The following PPARGC1A variants were observed in gnomAD, a reference collection of about 807,000 sequenced individuals.
PPARGC1A encodes the protein peroxisome proliferator-activated receptor gamma coactivator 1-alpha.
Under a neutral mutation model 88.7 loss-of-function variants are expected in PPARGC1A, and 25 were observed. The observed-to-expected ratio is 0.28, with a 90% CI of 0.21 to 0.39. PPARGC1A has a LOEUF of 0.39. Among genes scored for constraint, PPARGC1A ranks in the 10% least tolerant of loss-of-function variants. The pLI is 1.00. For synonymous variants in PPARGC1A, 363 were observed against 355.6 expected, an observed-to-expected ratio of 1.02 and a Z score of -0.24; for missense variants, 880 against 968.7, an observed-to-expected ratio of 0.91 and a Z score of 1.22.
upstream of PPARGC1A, among the ~76,000 whole-genome samples, chr4:23,906,834 A>G (rs959017057): frequency 6.6e-6 from 1 of 151,988 alleles, no homozygotes; most frequent in African/African-American, 2.4e-5. Context: ...CTCAAAACTC[A>G]CTGTGGTGCC....
At chr4:24,468,475 A>G in the PPARGC1A span, among the ~76,000 whole-genome samples, 2 of 152,172 alleles carry the variant, frequency 1.3e-5, no homozygotes, top group African/African-American at 2.4e-5. Flanking sequence ...CACATTGGCA[A>G]GTGGGTGCAA....
intron 2 of PPARGC1A, among the ~76,000 whole-genome samples, chr4:23,840,231 G>A (rs1400389192): frequency 3.3e-5 from 5 of 151,874 alleles, no homozygotes; most frequent in South Asian, 2.1e-4. Context: ...GAGGGAGAGC[G>A]GATAGTGCAC....
the PPARGC1A span, among the ~76,000 whole-genome samples, chr4:23,910,172 TATA>T: frequency 8.4e-6 from 1 of 118,818 alleles, no homozygotes; most frequent in Non-Finnish European, 1.7e-5. Flanking sequence ...ATATATAATA[TATA>T]ATAAATATAT....
chr4:23,813,204 C>T, intron 8 of PPARGC1A, 79 bp from the exon 9 acceptor site: 1 of 1,177,780 alleles, frequency 8.5e-7, no homozygotes, highest in South Asian at 1.2e-5. Context: ...GGAGCATCCT[C>T]TGGGACACTG....
At chr4:24,348,212 G>C in the PPARGC1A span, among the ~76,000 whole-genome samples, 18 of 152,300 alleles carry the variant, frequency 1.2e-4, no homozygotes, top group East Asian at 3.5e-3. Flanking sequence ...AGGTTACCTG[G>C]TGCTTCTGTC....
the PPARGC1A span, among the ~76,000 whole-genome samples, chr4:24,040,233 T>C: frequency 5.7e-4 from 87 of 152,330 alleles, no homozygotes; most frequent in African/African-American, 1.7e-3. Flanking sequence ...TCCAGCCACA[T>C]ACACACATCT....
chr4:23,953,717 G>A, the PPARGC1A span, among the ~76,000 whole-genome samples: 31 of 152,114 alleles, frequency 2.0e-4, no homozygotes, highest in African/African-American at 7.5e-4. Context: ...CCCACTGACA[G>A]AATACTTGGG....
At chr4:24,104,589 T>C in the PPARGC1A span, among the ~76,000 whole-genome samples, 1 of 152,170 alleles carries the variant, frequency 6.6e-6, no homozygotes. Context: ...TCCAGAGGAC[T>C]GTGGGCAACA....
intron 2 of PPARGC1A, among the ~76,000 whole-genome samples, chr4:23,846,282 G>T (rs1294788133): frequency 6.6e-6 from 1 of 152,184 alleles, no homozygotes; most frequent in East Asian, 1.9e-4. Flanking sequence ...TCTTCCAACA[G>T]TATGATGTTG....
chr4:24,266,889 C>T, the PPARGC1A span, among the ~76,000 whole-genome samples: 8 of 152,290 alleles, frequency 5.3e-5, no homozygotes, highest in Non-Finnish European at 1.5e-5. Flanking sequence ...CAATTGAATA[C>T]TATGCCACTA....
chr4:23,819,180 G>A (rs1722533792), intron 7 of PPARGC1A, among the ~76,000 whole-genome samples: 1 of 152,026 alleles, frequency 6.6e-6, no homozygotes, highest in Admixed American at 6.6e-5. Flanking sequence ...ATATTCAGTA[G>A]ATAAAAGCTG....
intron 1 of PPARGC1A, 87 bp downstream of exon 1, chr4:23,889,817 G>T: frequency 1.3e-6 from 2 of 1,516,098 alleles, no homozygotes; most frequent in Non-Finnish European, 1.8e-6. Context: ...TCCTCTCTTT[G>T]CCCAAGCCCA....
the PPARGC1A span, chr4:24,091,588 C>T: frequency 1.0e-6 from 1 of 985,354 alleles, no homozygotes; most frequent in Non-Finnish European, 1.2e-6. Context: ...TACTCTCTCT[C>T]CTTGCAAGCT....
At chr4:24,151,057 A>G in the PPARGC1A span, among the ~76,000 whole-genome samples, 2 of 152,342 alleles carry the variant, frequency 1.3e-5, no homozygotes, top group African/African-American at 4.8e-5. Flanking sequence ...TTCTGCTATA[A>G]TCCCACCTGT....
At chr4:24,453,985 T>C in the PPARGC1A span, among the ~76,000 whole-genome samples, 4 of 152,064 alleles carry the variant, frequency 2.6e-5, no homozygotes, top group Admixed American at 6.5e-5. Context: ...GCTTTATTAG[T>C]AACAAGCCTA....
chr4:24,262,195 A>G, the PPARGC1A span, among the ~76,000 whole-genome samples: 1 of 152,154 alleles, frequency 6.6e-6, no homozygotes, highest in Non-Finnish European at 1.5e-5. Flanking sequence ...GCCCGTGGTA[A>G]TCCAATCAGG....
chr4:24,200,769 T>C, the PPARGC1A span, among the ~76,000 whole-genome samples: 69 of 152,138 alleles, frequency 4.5e-4, no homozygotes, highest in African/African-American at 1.6e-3. Context: ...TTATCCTCTG[T>C]GTTTTTCTGT....
chr4:24,423,349 G>C, the PPARGC1A span, among the ~76,000 whole-genome samples: 21 of 152,154 alleles, frequency 1.4e-4, no homozygotes, highest in African/African-American at 5.1e-4. Context: ...ATATGTTTTT[G>C]CTAAAAGATG....
At chr4:24,467,112 G>T in the PPARGC1A span, among the ~76,000 whole-genome samples, 1 of 145,126 alleles carries the variant, frequency 6.9e-6, no homozygotes, top group Admixed American at 6.9e-5. Context: ...AGGAGGGAGG[G>T]AGGGAGGGAT....
Sources: allele counts gnomAD v4.1 joint callset (sites outside exome capture counted in the v4.1 genomes callset), GRCh38; gene constraint gnomAD v4.1.1; transcripts MANE v1.5; gene names NCBI Gene and HGNC (gene_info 2026-07-23, HGNC 2026-07-21).